UBR3: variants seen among roughly 807,000 people sequenced by gnomAD.
UBR3 encodes E3 ubiquitin-protein ligase UBR3.
UBR3 carries 85 observed loss-of-function variants against 243.2 expected under a neutral mutation model. That is an observed-to-expected ratio of 0.35 (90% CI 0.29 to 0.42). The LOEUF is 0.42. Among genes scored for constraint, UBR3 ranks in the 10% least tolerant of loss-of-function variants. UBR3 has a pLI of 1.00. For synonymous variants in UBR3, 748 were observed against 799.8 expected (o/e 0.94, Z 1.09); for missense variants, 1,686 against 2,300.8 (o/e 0.73, Z 5.47).
intron 24 of UBR3, among the ~76,000 whole-genome samples, chr2:169,981,527 A>C (rs1387393564): frequency 2.0e-5 from 3 of 152,112 alleles, no homozygotes. Flanking sequence ...GCAAGGAAAC[A>C]AGGAAAGTCT....
At position 169,928,862 on chromosome 2, in the gene UBR3, C is replaced by T; in HGVS notation, c.2560C>T (p.Pro854Ser). 2 of 1,444,132 alleles carry T rather than the reference C, an allele frequency of 1.4e-6. No homozygotes were observed. The highest frequency in any genetic ancestry group is 1.9e-6 in the Non-Finnish European group (2 of 1,077,426). 89.5% of individuals were successfully genotyped at this position (1,444,132 alleles called of 1,614,324 possible). A position where few individuals can be genotyped will look rare whatever the true frequency, so the allele number is the denominator to read the frequency against. Reference protein sequence around the residue: ...GGSMQQGMYTPKAEVWDQEFD... With the variant: ...GGSMQQGMYTSKAEVWDQEFD... ...TTCTATGCAACAAGGCATGTATACT[C>T]CCAAAGGTATGTTTATATACATAAA... Residue 854 changes from proline to serine, a missense_variant, in exon 18 of 39, where the codon CCC (proline) becomes TCC (serine). By Grantham distance (74) the Pro-to-Ser change is moderately conservative. Transcript: ENST00000272793.
At chr2:169,965,922 A>G (rs906413782) in intron 24 of UBR3, among the ~76,000 whole-genome samples, 1 of 152,162 alleles carries the variant, frequency 6.6e-6, no homozygotes, top group Non-Finnish European at 1.5e-5. Flanking sequence ...TCTAATGTAG[A>G]AGCATAACAT....
chr2:170,032,575 A>G (rs1377615164), intron 31 of UBR3, among the ~76,000 whole-genome samples: 2 of 97,204 alleles, frequency 2.1e-5, no homozygotes, highest in East Asian at 5.5e-4. Context: ...GCTTGATGAC[A>G]TTCACTTTTT....
intron 11 of UBR3, among the ~76,000 whole-genome samples, chr2:169,920,405 A>G (rs1030463394): frequency 6.6e-6 from 1 of 152,198 alleles, no homozygotes; most frequent in African/African-American, 2.4e-5. Flanking sequence ...AACATGGCAC[A>G]TGTATACATA....
In UBR3 at chr2:169,849,991, T is replaced by C. The variant is rs2082603077; in HGVS notation, c.545+21939T>C. ...GGCAGGATTAAGTTGTAAAAGTGGC[T>C]AAAAACCCTCCAGGTTAGTAGAGAG... On this transcript the variant is annotated intron_variant, in intron 1 of 38. Transcript: ENST00000272793. Among the ~76,000 whole-genome samples the C allele has an allele frequency of 2.0e-5, 3 of 152,060 alleles. No individual in the cohort carries two copies. The South Asian group carries it at 6.2e-4, about 31-fold the overall frequency.
intron 11 of UBR3, among the ~76,000 whole-genome samples, chr2:169,921,370 A>G (rs1373883620): frequency 6.6e-6 from 1 of 152,222 alleles, no homozygotes; most frequent in Non-Finnish European, 1.5e-5. Context: ...ATAGAAGACT[A>G]TAGAGTGAAG....
chr2:169,855,738 T>C (rs2082820026), intron 1 of UBR3, among the ~76,000 whole-genome samples: 1 of 152,260 alleles, frequency 6.6e-6, no homozygotes, highest in African/African-American at 2.4e-5. Context: ...GAGTCTCCTA[T>C]GTCTACTTCT....
chr2:169,955,632 A>G (rs1373935688), intron 23 of UBR3, among the ~76,000 whole-genome samples: 1 of 151,734 alleles, frequency 6.6e-6, no homozygotes, highest in Non-Finnish European at 1.5e-5. Flanking sequence ...TGTCTCTACT[A>G]AAAATACAAA....
intron 19 of UBR3, among the ~76,000 whole-genome samples, chr2:169,941,139 C>T (rs2086567136): frequency 1.3e-5 from 2 of 152,130 alleles, no homozygotes; most frequent in South Asian, 2.1e-4. Flanking sequence ...CAGTGCTTAC[C>T]ATCATTCACT....
chr2:170,007,776 A>G (rs955075207), intron 28 of UBR3, among the ~76,000 whole-genome samples: 1 of 152,134 alleles, frequency 6.6e-6, no homozygotes, highest in Non-Finnish European at 1.5e-5. Flanking sequence ...AGGCAGGAGA[A>G]TTGCTTAAAC....
intron 5 of UBR3, among the ~76,000 whole-genome samples, chr2:169,883,298 C>T (rs1259065604): frequency 6.6e-6 from 1 of 152,204 alleles, no homozygotes; most frequent in African/African-American, 2.4e-5. Flanking sequence ...ATCAGTATGA[C>T]GACATGTGGT....
chr2:170,007,026 G>A lies in UBR3; in HGVS notation c.4066G>A (p.Gly1356Arg). ...TCTTCAGGGCTTCTCGGTGGACAAA[G>A]GAGAATTCACGTGTCCACTCTGTAG... ...QVLQGFSVDK[G>R]EFTCPLCRQF... is the part of the protein sequence containing the mutation. The change falls in exon 28 of 39, where the codon GGA (glycine) becomes AGA (arginine). Residue 1356 changes from glycine to arginine, a missense_variant. Around this residue, in one of 8 missense-constraint regions of UBR3, gnomAD observed 156 missense variants for 246.3 expected, o/e 0.63. Coordinates refer to ENST00000272793, the MANE Select transcript of UBR3 (RefSeq NM_172070.4). The A allele has an allele frequency of 6.2e-7, 1 of 1,613,572 alleles. No homozygotes were observed. Among genetic ancestry groups the A allele is most frequent in the Non-Finnish European group, 8.5e-7 (1 of 1,179,912 alleles).
At chr2:169,960,116 G>C (rs971594144) in intron 24 of UBR3, among the ~76,000 whole-genome samples, 1 of 151,600 alleles carries the variant, frequency 6.6e-6, no homozygotes, top group Non-Finnish European at 1.5e-5. Context: ...GCTGGGCTTG[G>C]TGGTGCACAC....
At chr2:169,976,074 G>T (rs1400744440) in intron 24 of UBR3, among the ~76,000 whole-genome samples, 5 of 149,708 alleles carry the variant, frequency 3.3e-5, no homozygotes, top group Non-Finnish European at 5.9e-5. Flanking sequence ...TACTGGCAAA[G>T]TGAATTTCTT....
At chr2:170,008,274 G>C (rs2089982869) in intron 28 of UBR3, among the ~76,000 whole-genome samples, 1 of 152,182 alleles carries the variant, frequency 6.6e-6, no homozygotes, top group African/African-American at 2.4e-5. Context: ...TGAAAATTGT[G>C]AATATTTGAC....
intron 24 of UBR3, among the ~76,000 whole-genome samples, chr2:169,971,846 A>G (rs976072480): frequency 6.6e-6 from 1 of 152,136 alleles, no homozygotes; most frequent in African/African-American, 2.4e-5. Context: ...AACATTCACA[A>G]TTAAAAGAAC....
At chr2:169,956,272 T>TA (rs34885764) in intron 23 of UBR3, among the ~76,000 whole-genome samples, 146,423 of 149,382 alleles carry the variant, frequency 0.98, 71,814 homozygotes, top group South Asian at 1. Flanking sequence ...CTTTTTTAGT[T>TA]AAAAATTACA....
intron 2 of UBR3, among the ~76,000 whole-genome samples, chr2:169,874,102 C>T (rs2083519600): frequency 6.6e-6 from 1 of 151,658 alleles, no homozygotes; most frequent in South Asian, 2.1e-4. Flanking sequence ...AATGTAGGTT[C>T]ATGGAAGTTT....
At chr2:170,072,577 A>G (rs2091723369) in intron 35 of UBR3, among the ~76,000 whole-genome samples, 1 of 152,082 alleles carries the variant, frequency 6.6e-6, no homozygotes, top group South Asian at 2.1e-4. Flanking sequence ...CATAATAATA[A>G]TAAAATTTAA....
Sources: gnomAD v4.1 joint callset for allele counts (sites outside exome capture counted in the v4.1 genomes callset) on GRCh38, gnomAD v4.1.1 for gene constraint, gnomAD v4.1.1 regional missense constraint, MANE v1.5 for transcripts, NCBI Gene and HGNC (gene_info 2026-07-23, HGNC 2026-07-21) for gene names.